FAM13B: variants seen among roughly 807,000 people sequenced by gnomAD.
The protein encoded by FAM13B is family with sequence similarity 13 member B, also known as protein FAM13B.
FAM13B carries 60 observed loss-of-function variants against 117.3 expected under a neutral mutation model. The observed-to-expected ratio is 0.51, with a 90% CI of 0.42 to 0.63. The LOEUF (loss-of-function observed/expected upper bound fraction) is 0.63, where lower values mean the gene tolerates loss of function less well. Among genes scored for constraint, FAM13B ranks in the 30% least tolerant of loss-of-function variants. FAM13B has a pLI of 0.00. For missense variants in FAM13B, 972 were observed against 1,091.9 expected (o/e 0.89, Z 1.55); for synonymous variants, 332 against 356.1 (o/e 0.93, Z 0.76).
intron 7 of FAM13B, among the ~76,000 whole-genome samples, chr5:138,002,203 C>T (rs1781442184): frequency 6.6e-6 from 1 of 152,068 alleles, no homozygotes; most frequent in African/African-American, 2.4e-5. Context: ...GAATAAAAAG[C>T]TTAAGTGGAT....
At chr5:138,001,297 G>A (rs1002918495) in intron 7 of FAM13B, among the ~76,000 whole-genome samples, 4 of 152,102 alleles carry the variant, frequency 2.6e-5, no homozygotes, top group Non-Finnish European at 5.9e-5. Flanking sequence ...TGTTAATTAC[G>A]AAAAGTTCAA....
intron 10 of FAM13B, among the ~76,000 whole-genome samples, chr5:137,982,106 T>C (rs1775931211): frequency 6.6e-6 from 1 of 152,196 alleles, no homozygotes; most frequent in Non-Finnish European, 1.5e-5. Flanking sequence ...CATTATCTAA[T>C]TTTCCTCTTA....
At chr5:137,977,032 A>C (rs1774221638) in intron 10 of FAM13B, among the ~76,000 whole-genome samples, 1 of 152,176 alleles carries the variant, frequency 6.6e-6, no homozygotes, top group Non-Finnish European at 1.5e-5. Flanking sequence ...ATATCGCTGA[A>C]TTCTTTTTCT....
At chr5:138,026,622 G>A (rs1452404284) in intron 1 of FAM13B, among the ~76,000 whole-genome samples, 5 of 112,356 alleles carry the variant, frequency 4.5e-5, no homozygotes, top group Non-Finnish European at 8.7e-5. Flanking sequence ...GAGAGGGACC[G>A]TGTCTCAAAA....
intron 1 of FAM13B, among the ~76,000 whole-genome samples, chr5:138,031,729 A>G (rs950922634): frequency 6.6e-6 from 1 of 152,170 alleles, no homozygotes; most frequent in Non-Finnish European, 1.5e-5. Flanking sequence ...TGGATATACA[A>G]ATAATTATCA....
In FAM13B at chr5:137,988,318, G is replaced by A. The variant is rs1042719080; in HGVS notation, c.849-3C>T. ...TGCTGATGGGAGATATATGGGTGCT[G>A]CAATCAAAGAAAGAAATTAGCTATA... On this transcript the variant is annotated splice_region_variant and splice_polypyrimidine_tract_variant and intron_variant, in intron 7 of 23. Coordinates refer to ENST00000689681, the MANE Select transcript of FAM13B (RefSeq NM_001385994.1). The A allele has an allele frequency of 2.6e-6, 4 of 1,557,266 alleles. No individual in the cohort carries two copies. The highest frequency in any genetic ancestry group is 1.4e-5 in the African/African-American group (1 of 70,406).
chr5:138,051,448 A>G (rs1378422679), intron 1 of FAM13B, among the ~76,000 whole-genome samples: 2 of 152,234 alleles, frequency 1.3e-5, no homozygotes, highest in Non-Finnish European at 2.9e-5. Flanking sequence ...ACTTTCACCA[A>G]AAAGGGACTT....
rs201081598 is a variant in FAM13B, at chr5:137,942,952, G to C, written c.2511C>G (p.Asn837Lys). Residue 837 changes from asparagine (N) to lysine (K), a missense_variant, in exon 22 of 24, where the codon AAC becomes AAG. Asn to Lys is a moderately conservative substitution (Grantham distance 94). Coordinates refer to ENST00000689681, the MANE Select transcript of FAM13B (RefSeq NM_001385994.1). Reference sequence around the variant, plus strand: ...GATTTTCTTCAACATCAGATTCAGAGTTTTCTAATGAAGACTGTACCTGTA... The same window carrying C: ...GATTTTCTTCAACATCAGATTCAGACTTTTCTAATGAAGACTGTACCTGTA... ...TAVQVQSSLE[N>K]SESDVEENQE... The C allele has an allele frequency of 1.9e-6, 3 of 1,613,708 alleles. No homozygotes were observed. In the African/African-American group the frequency reaches 4.0e-5, roughly 22 times the overall value.
chr5:138,051,982 A>G (rs1791812549), upstream of FAM13B: 1 of 152,136 alleles, frequency 6.6e-6, no homozygotes. Flanking sequence ...ACTGCCAAAA[A>G]AGTCTGTTCA....
chr5:137,984,910 A>C (rs1776781898), intron 10 of FAM13B, among the ~76,000 whole-genome samples: 1 of 151,816 alleles, frequency 6.6e-6, no homozygotes, highest in Non-Finnish European at 1.5e-5. Context: ...CTGGGATTAC[A>C]GGCGCCCACC....
At chr5:138,051,388 T>G (rs1561563592) in intron 1 of FAM13B, among the ~76,000 whole-genome samples, 1 of 152,248 alleles carries the variant, frequency 6.6e-6, no homozygotes, top group African/African-American at 2.4e-5. Flanking sequence ...TTACCAAACC[T>G]ACCTCCAAAG....
intron 10 of FAM13B, among the ~76,000 whole-genome samples, chr5:137,984,007 A>ATTTTGAATGTC (rs1352907845): frequency 6.6e-6 from 1 of 152,232 alleles, no homozygotes; most frequent in Non-Finnish European, 1.5e-5. Context: ...TCAAAATTAC[A>ATTTTGAATGTC]TTTTGAATGT....
chr5:138,029,294 T>G (rs777914655), intron 1 of FAM13B, among the ~76,000 whole-genome samples: 8 of 152,244 alleles, frequency 5.3e-5, no homozygotes, highest in Non-Finnish European at 1.2e-4. Context: ...TAGATGCCCC[T>G]TCTAGGCAAC....
chr5:137,948,292 T>C (rs922243790), intron 18 of FAM13B, among the ~76,000 whole-genome samples: 4 of 152,154 alleles, frequency 2.6e-5, no homozygotes, highest in African/African-American at 4.8e-5. Context: ...AGTGGCATAA[T>C]GCATAAAATA....
intron 4 of FAM13B, among the ~76,000 whole-genome samples, chr5:138,012,249 C>T (rs1442736903): frequency 7.0e-6 from 1 of 142,474 alleles, no homozygotes; most frequent in Middle Eastern, 3.9e-3. Context: ...AATTCTCATC[C>T]TACTGTCTCC....
At chr5:137,980,870 T>C (rs1251590512) in intron 10 of FAM13B, among the ~76,000 whole-genome samples, 4 of 152,022 alleles carry the variant, frequency 2.6e-5, no homozygotes, top group Non-Finnish European at 4.4e-5. Context: ...ATAATAGGGA[T>C]GTAATAAAGA....
chr5:137,978,559 T>C (rs1030958346), intron 10 of FAM13B, among the ~76,000 whole-genome samples: 11 of 152,150 alleles, frequency 7.2e-5, no homozygotes, highest in African/African-American at 2.6e-4. Context: ...CAAATAAAAT[T>C]AAACTTACTC....
At position 137,953,380 on chromosome 5, in the gene FAM13B, T is replaced by C; in HGVS notation, c.1804A>G (p.Ile602Val). 1 of 1,614,054 alleles carries C rather than the reference T, an allele frequency of 6.2e-7. No individual in the cohort carries two copies. Among genetic ancestry groups the C allele is most frequent in the East Asian group, 2.2e-5 (1 of 44,850 alleles). ...TCAAACTGTTCCTCAAATTGTCTGA[T>C]TTTCTTCTGAAGTTTCTTGACCAGC... ...YQLVKKLQKK[I>V]RQFEEQFERE... is the part of the protein sequence containing the mutation. Residue 602 changes from isoleucine to valine, a missense_variant, in exon 16 of 24, where the codon ATC becomes GTC. Coordinates refer to ENST00000689681, the MANE Select transcript of FAM13B (RefSeq NM_001385994.1).
chr5:137,943,239 T>C (rs1332040228), intron 20 of FAM13B, 23 bp from the exon 21 acceptor site: 11 of 1,574,018 alleles, frequency 7.0e-6, no homozygotes, highest in Non-Finnish European at 8.7e-6. Context: ...ATAATATAAA[T>C]AGTTTTACAT....
Sources: allele counts gnomAD v4.1 joint callset (sites outside exome capture counted in the v4.1 genomes callset), GRCh38; gene constraint gnomAD v4.1.1; transcripts MANE v1.5; gene names NCBI Gene and HGNC (gene_info 2026-07-23, HGNC 2026-07-21).